Variants in TRPM3 observed in about 807,000 individuals in gnomAD.
TRPM3 encodes the protein long transient receptor potential channel 3.
In TRPM3, 77 loss-of-function variants were observed where a neutral mutation model predicts 181.2. That is an observed-to-expected ratio of 0.42 (90% CI 0.35 to 0.51). TRPM3 has a LOEUF of 0.51. Among genes scored for constraint, TRPM3 ranks in the 20% least tolerant of loss-of-function variants. TRPM3 has a pLI of 0.01. For synonymous variants in TRPM3, 745 were observed against 796.4 expected (o/e 0.94, Z 1.09); for missense variants, 1,759 against 2,196.7 (o/e 0.80, Z 3.98).
At chr9:70,956,525 T>C (rs549294795) in intron 1 of TRPM3, among the ~76,000 whole-genome samples, 1 of 152,234 alleles carries the variant, frequency 6.6e-6, no homozygotes, top group South Asian at 2.1e-4. Flanking sequence ...TGTGGATATA[T>C]GTGCATATAT....
intron 1 of TRPM3, among the ~76,000 whole-genome samples, chr9:71,108,588 G>A (rs527495022): frequency 2.6e-5 from 4 of 152,292 alleles, no homozygotes; most frequent in African/African-American, 9.6e-5. Context: ...AGGCAACTTC[G>A]AGATTACAAG....
chr9:70,610,557 C>T lies in TRPM3; in HGVS notation c.2667+52G>A, dbSNP rs191044389. ...ACCACACAGATGCATGAGAAATGGA[C>T]GTTGGCTCCTTGTGGCCATCCACTA... is the stretch of plus-strand genomic sequence containing the variant. On this transcript the variant is annotated intron_variant, in intron 19 of 25. Coordinates refer to ENST00000677713, the MANE Select transcript of TRPM3 (RefSeq NM_001366145.2). 8.8e-4 allele frequency: 1,399 copies of T among 1,588,584 alleles called. 11 individuals carry two copies. Among genetic ancestry groups the T allele is most frequent in the South Asian group, 8.0e-4 (70 of 87,370 alleles).
At chr9:71,161,053 C>T (rs1381308714) in intron 1 of TRPM3, among the ~76,000 whole-genome samples, 2 of 152,134 alleles carry the variant, frequency 1.3e-5, no homozygotes, top group Non-Finnish European at 2.9e-5. Context: ...CCCAAAATTC[C>T]CCTTAAAGCT....
chr9:71,404,427 C>T (rs1313431327), intron 1 of TRPM3, among the ~76,000 whole-genome samples: 4 of 152,048 alleles, frequency 2.6e-5, no homozygotes, highest in South Asian at 2.1e-4. Context: ...TACCAGATGC[C>T]TTCCTCTAAC....
chr9:70,849,132 G>A lies in TRPM3; in HGVS notation c.463-2541C>T, dbSNP rs1051233041. Among the ~76,000 whole-genome samples the A allele has an allele frequency of 9.9e-5, 15 of 152,082 alleles. 1 individual carries two copies. Among genetic ancestry groups the A allele is most frequent in the Admixed American group, 2.6e-4 (4 of 15,252 alleles). Reference sequence around the variant, plus strand: ...CTAGGCACCTTCACTGAAGGAAGTTGTTTTTGTTATTGTTTTTGTTTGTTT... The same window carrying A: ...CTAGGCACCTTCACTGAAGGAAGTTATTTTTGTTATTGTTTTTGTTTGTTT... On this transcript the variant is annotated intron_variant, in intron 3 of 25. Transcript: ENST00000677713.
intron 1 of TRPM3, among the ~76,000 whole-genome samples, chr9:71,153,466 T>C (rs1394340725): frequency 2.0e-5 from 3 of 151,888 alleles, no homozygotes; most frequent in African/African-American, 7.3e-5. Context: ...AATTTTTGTA[T>C]TTTTAGTAGA....
intron 1 of TRPM3, among the ~76,000 whole-genome samples, chr9:71,010,264 A>C (rs550163637): frequency 3.9e-5 from 6 of 152,286 alleles, no homozygotes; most frequent in African/African-American, 1.4e-4. Flanking sequence ...TCTGCACAGC[A>C]AAGGAAATGA....
chr9:70,814,342 A>G (rs536698335), intron 6 of TRPM3, among the ~76,000 whole-genome samples: 1 of 152,268 alleles, frequency 6.6e-6, no homozygotes, highest in South Asian at 2.1e-4. Flanking sequence ...GCCTAGGAAC[A>G]TGATGAAGGA....
chr9:71,372,380 T>C (rs2092544136), intron 1 of TRPM3, among the ~76,000 whole-genome samples: 1 of 152,194 alleles, frequency 6.6e-6, no homozygotes, highest in African/African-American at 2.4e-5. Context: ...ATGGTATTTC[T>C]ACCTCCATGC....
At chr9:70,751,380 C>G (rs2076109147) in intron 8 of TRPM3, among the ~76,000 whole-genome samples, 1 of 152,072 alleles carries the variant, frequency 6.6e-6, no homozygotes, top group African/African-American at 2.4e-5. Flanking sequence ...GGAAATATAG[C>G]TAGTCTAAAA....
rs1273744922 is a variant in TRPM3 at position 70,752,049 on chromosome 9, T to TGTGTGC, written c.1272+9551_1272+9552insGCACAC. Among the ~76,000 whole-genome samples, 574 of 116,386 alleles carry TGTGTGC rather than the reference T, an allele frequency of 4.9e-3. 4 individuals are homozygous for TGTGTGC. The highest frequency in any genetic ancestry group is 5.6e-3 in the Non-Finnish European group (296 of 52,718). The allele number at this position is 116,386 out of a possible 152,430, so 76.4% of individuals were successfully genotyped here. On this transcript the variant is annotated intron_variant, in intron 8 of 25. Transcript: ENST00000677713. ...GTGTGTGTGTGTGTGTGTGTGTGTG[T>TGTGTGC]GCGCGCGCGCGCGCATACACATGTA...
chr9:70,815,883 A>T (rs1302222901), intron 6 of TRPM3, among the ~76,000 whole-genome samples: 2 of 152,204 alleles, frequency 1.3e-5, no homozygotes, highest in Non-Finnish European at 2.9e-5. Flanking sequence ...TTATGAAATG[A>T]TGGAGGAAAA....
chr9:71,291,856 A>C (rs538972488), intron 1 of TRPM3, among the ~76,000 whole-genome samples: 1 of 152,194 alleles, frequency 6.6e-6, no homozygotes, highest in East Asian at 1.9e-4. Flanking sequence ...GAAACCAGTA[A>C]CAGAAGACTT....
rs114015039 is a variant in TRPM3, at chr9:71,396,106, C to G, written c.183+50547G>C. 4.9e-3 allele frequency among the ~76,000 whole-genome samples: 752 copies of G among 152,206 alleles called. 3 individuals are homozygous for G. Among genetic ancestry groups the G allele is most frequent in the African/African-American group, 0.015 (620 of 41,546 alleles). ...GGAAACAACTATTAGGATTAAAAAA[C>G]AAATTCAAGCAGGCAAGTGACAAAC... On this transcript the variant is annotated intron_variant, in intron 1 of 24. Coordinates refer to the TRPM3 transcript ENST00000357533.
At chr9:71,390,134 TA>T (rs1328750672) in intron 1 of TRPM3, among the ~76,000 whole-genome samples, 1 of 152,084 alleles carries the variant, frequency 6.6e-6, no homozygotes, top group East Asian at 1.9e-4. Context: ...ATAGATAAGA[TA>T]GATGGATAGG....
At chr9:71,254,177 C>G (rs2082528914) in intron 1 of TRPM3, among the ~76,000 whole-genome samples, 2 of 152,136 alleles carry the variant, frequency 1.3e-5, no homozygotes, top group Non-Finnish European at 2.9e-5. Flanking sequence ...CTCACGCTCC[C>G]AAAGTGCTGG....
chr9:70,938,430 A>G (rs902732367), intron 1 of TRPM3, among the ~76,000 whole-genome samples: 2 of 152,182 alleles, frequency 1.3e-5, no homozygotes, highest in South Asian at 2.1e-4. Flanking sequence ...TTCCTCCTAG[A>G]TACCCTCTCT....
chr9:71,160,212 G>T (rs1278391374), intron 1 of TRPM3, among the ~76,000 whole-genome samples: 5 of 151,904 alleles, frequency 3.3e-5, no homozygotes, highest in African/African-American at 1.2e-4. Context: ...TCAAATCTTT[G>T]CTCAAATATC....
intron 8 of TRPM3, among the ~76,000 whole-genome samples, chr9:70,693,449 T>TA (rs1298933598): frequency 6.6e-6 from 1 of 152,138 alleles, no homozygotes; most frequent in African/African-American, 2.4e-5. Context: ...ATGGATTTCT[T>TA]ATGGGGTTGT....
Sources: allele counts gnomAD v4.1 joint callset (sites outside exome capture counted in the v4.1 genomes callset), GRCh38; gene constraint gnomAD v4.1.1; transcripts MANE v1.5; gene names NCBI Gene and HGNC (gene_info 2026-07-23, HGNC 2026-07-21).